Variants in FLI1 observed in about 807,000 individuals in gnomAD.
The protein encoded by FLI1 is Friend leukemia integration 1 transcription factor.
A neutral mutation model predicts 53.1 loss-of-function variants in FLI1; 13 were observed. The observed-to-expected ratio is 0.24, with a 90% CI of 0.16 to 0.39. FLI1 has a LOEUF of 0.39. Among genes scored for constraint, FLI1 ranks in the 10% least tolerant of loss-of-function variants. The pLI, the probability that FLI1 is intolerant of heterozygous loss-of-function variation, is 1.00. For synonymous variants in FLI1, 244 were observed against 236.7 expected (o/e 1.03, Z -0.28); for missense variants, 424 against 600.5 (o/e 0.71, Z 3.07).
intron 1 of FLI1, among the ~76,000 whole-genome samples, chr11:128,741,160 G>C (rs1269561927): frequency 6.6e-6 from 1 of 152,214 alleles, no homozygotes; most frequent in Non-Finnish European, 1.5e-5. Flanking sequence ...TTGGGAGGCT[G>C]AGGCGGGCGG....
At chr11:128,737,550 T>C (rs888593464) in intron 1 of FLI1, among the ~76,000 whole-genome samples, 6 of 152,238 alleles carry the variant, frequency 3.9e-5, no homozygotes, top group African/African-American at 1.4e-4. Flanking sequence ...TTTTCCTTTA[T>C]CTTTAAAAAT....
intron 5 of FLI1, among the ~76,000 whole-genome samples, chr11:128,799,988 G>A (rs564404678): frequency 2.0e-4 from 31 of 152,280 alleles, no homozygotes; most frequent in African/African-American, 7.0e-4. Flanking sequence ...AACAAAGACC[G>A]CCGCTCACCT....
intron 2 of FLI1, among the ~76,000 whole-genome samples, chr11:128,763,738 C>T (rs983362276): frequency 9.9e-5 from 15 of 152,032 alleles, no homozygotes; most frequent in Non-Finnish European, 1.5e-5. Flanking sequence ...AGACATGTCA[C>T]ACATAACCTG....
chr11:128,749,384 C>T (rs771700639), intron 1 of FLI1, among the ~76,000 whole-genome samples: 8 of 152,184 alleles, frequency 5.3e-5, no homozygotes, highest in African/African-American at 1.4e-4. Flanking sequence ...TGGAGGTTGA[C>T]GCTGTGGTTG....
chr11:128,751,522 T>G (rs1276300599), intron 1 of FLI1, among the ~76,000 whole-genome samples: 1 of 151,742 alleles, frequency 6.6e-6, no homozygotes, highest in Non-Finnish European at 1.5e-5. Context: ...TTTTATTTTT[T>G]ATTTTTATTT....
At chr11:128,775,795 G>T (rs1018229456) in intron 4 of FLI1, among the ~76,000 whole-genome samples, 1 of 152,208 alleles carries the variant, frequency 6.6e-6, no homozygotes, top group Non-Finnish European at 1.5e-5. Flanking sequence ...CCTTTCATTG[G>T]AGAGGAAGGT....
chr11:128,751,407 T>G (rs1940638682), intron 1 of FLI1, among the ~76,000 whole-genome samples: 1 of 151,812 alleles, frequency 6.6e-6, no homozygotes, highest in African/African-American at 2.4e-5. Context: ...CCAGGATGGA[T>G]GGTATGATCA....
chr11:128,795,620 C>T lies in FLI1; in HGVS notation c.656-9746C>T, dbSNP rs542650387. On this transcript the variant is annotated intron_variant, in intron 5 of 8. Coordinates refer to ENST00000527786, the MANE Select transcript of FLI1 (RefSeq NM_002017.5). ...TCTCGCCCAGGCTGGAGTTCAGTGA[C>T]GCTCACTGCAAGCTCCGCCTCCCGG... 2.4e-4 allele frequency among the ~76,000 whole-genome samples: 35 copies of T among 143,924 alleles called. No homozygotes were observed. In the South Asian group the frequency reaches 4.3e-3, roughly 18 times the overall value. The allele number at this position is 143,924 out of a possible 152,430, so 94.4% of individuals were successfully genotyped here. A position where few individuals can be genotyped will look rare whatever the true frequency, so the allele number is the denominator to read the frequency against.
At chr11:128,729,126 C>T (rs1428226624) in intron 1 of FLI1, among the ~76,000 whole-genome samples, 3 of 152,176 alleles carry the variant, frequency 2.0e-5, no homozygotes, top group African/African-American at 4.8e-5. Context: ...GCTTTGTAAT[C>T]GGATGTGTAC....
rs201505573 is a variant in FLI1, at chr11:128,799,037, A to AT, written c.656-6327dup. The stretch of plus-strand genomic sequence containing the variant: ...ATTTTATTATATTATTATTATTATT[A>AT]TTATTATTATTATTATTTTGCTTTG... On this transcript the variant is annotated intron_variant, in intron 5 of 8. Coordinates refer to ENST00000527786, the MANE Select transcript of FLI1 (RefSeq NM_002017.5). 3.5e-3 allele frequency among the ~76,000 whole-genome samples: 463 copies of AT among 130,726 alleles called. 7 individuals are homozygous for AT. The highest frequency in any genetic ancestry group is 4.9e-3 in the African/African-American group (174 of 35,670). The allele number at this position is 130,726 out of a possible 152,430, so 85.8% of individuals were successfully genotyped here. A position where few individuals can be genotyped will look rare whatever the true frequency, so the allele number is the denominator to read the frequency against.
chr11:128,738,387 T>A (rs1385826525), intron 1 of FLI1, among the ~76,000 whole-genome samples: 1 of 152,192 alleles, frequency 6.6e-6, no homozygotes, highest in Non-Finnish European at 1.5e-5. Context: ...TTTCTCTCAT[T>A]ACTCAAATGA....
chr11:128,757,233 C>T (rs558301186), intron 1 of FLI1, among the ~76,000 whole-genome samples: 1 of 152,072 alleles, frequency 6.6e-6, no homozygotes, highest in Non-Finnish European at 1.5e-5. Flanking sequence ...AGGCATGAGC[C>T]ACCATGCCTG....
chr11:128,770,533 T>C (rs1591798144), intron 3 of FLI1, among the ~76,000 whole-genome samples: 2 of 152,186 alleles, frequency 1.3e-5, no homozygotes, highest in Non-Finnish European at 2.9e-5. Context: ...GACTAAATCA[T>C]CCAGGAAATG....
At chr11:128,715,309 C>A (rs1174637000) in intron 1 of FLI1, among the ~76,000 whole-genome samples, 4 of 152,186 alleles carry the variant, frequency 2.6e-5, no homozygotes, top group Admixed American at 2.6e-4. Context: ...ATTCCTCTGG[C>A]CTTCTGGTGT....
chr11:128,782,124 A>T, intron 5 of FLI1, 101 bp downstream of exon 5: 1 of 1,042,984 alleles, frequency 9.6e-7, no homozygotes, highest in South Asian at 1.3e-5. Flanking sequence ...TGCGTGTTCC[A>T]CTCAACTTTT....
chr11:128,712,590 AAGG>A (rs1938829936), intron 1 of FLI1, among the ~76,000 whole-genome samples: 2 of 152,198 alleles, frequency 1.3e-5, no homozygotes, highest in Non-Finnish European at 2.9e-5. Context: ...GGCGGAAGGC[AAGG>A]AGGAGAAAGT....
chr11:128,756,282 C>T (rs1940856790), intron 1 of FLI1, among the ~76,000 whole-genome samples: 4 of 152,180 alleles, frequency 2.6e-5, no homozygotes, highest in Admixed American at 2.0e-4. Context: ...TCCTCAGAGG[C>T]CTCTCTCCTT....
intron 1 of FLI1, among the ~76,000 whole-genome samples, chr11:128,699,112 A>G (rs1431978615): frequency 6.6e-6 from 1 of 152,218 alleles, no homozygotes; most frequent in Non-Finnish European, 1.5e-5. Flanking sequence ...ATCTATTAGA[A>G]GGCATCTTAT....
At chr11:128,728,776 A>ATG (rs1939578959) in intron 1 of FLI1, among the ~76,000 whole-genome samples, 4 of 152,238 alleles carry the variant, frequency 2.6e-5, no homozygotes, top group African/African-American at 9.6e-5. Context: ...GCTGTACCTG[A>ATG]GTATCAGGTA....
Sources: allele counts gnomAD v4.1 joint callset (sites outside exome capture counted in the v4.1 genomes callset), GRCh38; gene constraint gnomAD v4.1.1; transcripts MANE v1.5; gene names NCBI Gene and HGNC (gene_info 2026-07-23, HGNC 2026-07-21).